The following WWOX variants were observed in gnomAD, a reference collection of about 807,000 sequenced individuals.
WWOX encodes WW domain-containing oxidoreductase.
A neutral mutation model predicts 46.2 loss-of-function variants in WWOX; 69 were observed. That is an observed-to-expected ratio of 1.49 (90% CI 1.23 to 1.82). The LOEUF (loss-of-function observed/expected upper bound fraction) is 1.82, where lower values mean the gene tolerates loss of function less well. Ranked by LOEUF, WWOX falls within the 40% of genes most tolerant of loss-of-function variation. The probability of loss-of-function intolerance (pLI) is 0.00; values close to 1 mark genes in which losing one functional copy is unlikely to be tolerated. For missense variants in WWOX, 919 were observed against 542.6 expected, an observed-to-expected ratio of 1.69 and a Z score of -6.89; for synonymous variants, 359 against 202.6, an observed-to-expected ratio of 1.77 and a Z score of -6.56.
At chr16:78,701,570 C>T (rs1054140154) in intron 8 of WWOX, among the ~76,000 whole-genome samples, 4 of 152,006 alleles carry the variant, frequency 2.6e-5, no homozygotes, top group African/African-American at 9.7e-5. Context: ...AGCCTCCCCC[C>T]GATATACTCA....
intron 8 of WWOX, among the ~76,000 whole-genome samples, chr16:78,751,446 T>C (rs1895619362): frequency 7.6e-6 from 1 of 131,854 alleles, no homozygotes; most frequent in Non-Finnish European, 1.6e-5. Context: ...AGATTATATA[T>C]ATATTTATCA....
At chr16:78,998,497 G>C (rs1262588117) in intron 8 of WWOX, among the ~76,000 whole-genome samples, 2 of 152,116 alleles carry the variant, frequency 1.3e-5, no homozygotes, top group Non-Finnish European at 2.9e-5. Context: ...AGAAACAGAG[G>C]GGATTGGCCA....
chr16:78,743,107 C>G (rs548998385), intron 8 of WWOX, among the ~76,000 whole-genome samples: 1 of 152,060 alleles, frequency 6.6e-6, no homozygotes. Context: ...CCGTCTCTCT[C>G]CTTGGAGGAG....
intron 5 of WWOX, among the ~76,000 whole-genome samples, chr16:78,276,070 G>A (rs2079571958): frequency 6.6e-6 from 1 of 152,208 alleles, no homozygotes; most frequent in African/African-American, 2.4e-5. Flanking sequence ...CAGACTGACA[G>A]TATTAGCGTG....
At chr16:79,047,672 A>ATTTTTTTTT (rs71140858) in intron 8 of WWOX, among the ~76,000 whole-genome samples, 20 of 53,542 alleles carry the variant, frequency 3.7e-4, no homozygotes, top group Non-Finnish European at 5.3e-4. Context: ...GACTGTCCTG[A>ATTTTTTTTT]TTTTTTTTTT....
chr16:78,994,968 T>TG (rs1491193043), intron 8 of WWOX, among the ~76,000 whole-genome samples: 2 of 43,248 alleles, frequency 4.6e-5, no homozygotes, highest in Non-Finnish European at 1.2e-4. Flanking sequence ...TTCTTCTTCT[T>TG]CTTTTTTTTT....
intron 8 of WWOX, among the ~76,000 whole-genome samples, chr16:78,809,529 C>T (rs1348599620): frequency 6.6e-6 from 1 of 152,128 alleles, no homozygotes; most frequent in Non-Finnish European, 1.5e-5. Context: ...TATTCCTTTC[C>T]AACTTCCACT....
intron 8 of WWOX, among the ~76,000 whole-genome samples, chr16:78,883,786 A>T (rs1305382258): frequency 1.3e-5 from 2 of 152,144 alleles, no homozygotes; most frequent in Non-Finnish European, 2.9e-5. Flanking sequence ...AGATGTTGAC[A>T]TTAGGGGAAA....
Position 78,931,101 on chromosome 16 carries a change from T to C in WWOX, c.1057-280507T>C, listed in dbSNP as rs138977291. Among the ~76,000 whole-genome samples the C allele has an allele frequency of 6.3e-4, 96 of 152,314 alleles. 1 individual carries two copies. Among genetic ancestry groups the C allele is most frequent in the African/African-American group, 2.3e-3 (94 of 41,564 alleles). ...GAGCATATGGTAAATAAGAATTTAA[T>C]AGATTTTAGTGAAAGCAAAATAAAA... On this transcript the variant is annotated intron_variant, in intron 8 of 8. Coordinates refer to ENST00000566780, the MANE Select transcript of WWOX (RefSeq NM_016373.4).
intron 8 of WWOX, among the ~76,000 whole-genome samples, chr16:78,491,115 G>C (rs1009176251): frequency 7.2e-5 from 11 of 152,126 alleles, no homozygotes; most frequent in Non-Finnish European, 5.9e-5. Context: ...TGCCTGCCAT[G>C]CTCGTGCTTT....
At chr16:78,539,900 C>G (rs527910270) in intron 8 of WWOX, among the ~76,000 whole-genome samples, 1 of 152,078 alleles carries the variant, frequency 6.6e-6, no homozygotes, top group African/African-American at 2.4e-5. Context: ...GGATCAGATC[C>G]AGTACATATT....
chr16:78,667,693 AGATAAT>A (rs1262857351), intron 8 of WWOX, among the ~76,000 whole-genome samples: 24 of 148,108 alleles, frequency 1.6e-4, no homozygotes, highest in African/African-American at 5.3e-4. Context: ...AAAAAAAAAA[AGATAAT>A]GATGAAAATA....
chr16:78,478,355 A>G (rs1414694846), intron 8 of WWOX, among the ~76,000 whole-genome samples: 1 of 152,202 alleles, frequency 6.6e-6, no homozygotes, highest in African/African-American at 2.4e-5. Flanking sequence ...TTAAATGTAA[A>G]TAACTGAGCT....
At chr16:79,002,396 G>C (rs1332134238) in intron 8 of WWOX, among the ~76,000 whole-genome samples, 1 of 151,750 alleles carries the variant, frequency 6.6e-6, no homozygotes. Flanking sequence ...GCTAGTTTTT[G>C]TATTTTTAGT....
intron 8 of WWOX, among the ~76,000 whole-genome samples, chr16:79,146,788 A>C (rs750303804): frequency 2.6e-5 from 4 of 152,136 alleles, no homozygotes; most frequent in Admixed American, 1.3e-4. Context: ...ACTACTGAAC[A>C]AGAGATTTTA....
intron 6 of WWOX, among the ~76,000 whole-genome samples, chr16:78,402,825 C>A (rs755154636): frequency 6.6e-6 from 1 of 152,168 alleles, no homozygotes; most frequent in Non-Finnish European, 1.5e-5. Context: ...AGTGCTGGCT[C>A]CCATTGGCCC....
intron 5 of WWOX, among the ~76,000 whole-genome samples, chr16:78,261,421 A>AATAAATAAATAT (rs1344666087): frequency 9.3e-5 from 14 of 150,496 alleles, no homozygotes. Flanking sequence ...TAAATAAATA[A>AATAAATAAATAT]ATAAATAAAT....
At chr16:78,527,911 A>G (rs1262942173) in intron 8 of WWOX, among the ~76,000 whole-genome samples, 1 of 151,072 alleles carries the variant, frequency 6.6e-6, no homozygotes, top group Non-Finnish European at 1.5e-5. Context: ...ACCACAAAAT[A>G]TCAGCAGTGC....
intron 8 of WWOX, among the ~76,000 whole-genome samples, chr16:78,611,225 G>T (rs549293859): frequency 6.6e-6 from 1 of 152,110 alleles, no homozygotes; most frequent in Non-Finnish European, 1.5e-5. Flanking sequence ...CGTTCATTTC[G>T]TGAGACTTTT....
Sources: allele counts gnomAD v4.1 joint callset (sites outside exome capture counted in the v4.1 genomes callset), GRCh38; gene constraint gnomAD v4.1.1; transcripts MANE v1.5; gene names NCBI Gene and HGNC (gene_info 2026-07-23, HGNC 2026-07-21).